Variants in STAT4 observed in about 807,000 individuals in gnomAD.
The protein encoded by STAT4 is signal transducer and activator of transcription 4.
STAT4 carries 42 observed loss-of-function variants against 110.5 expected under a neutral mutation model. The ratio of observed to expected loss-of-function variants is 0.38; its 90% CI spans 0.30 to 0.49. STAT4 has a LOEUF of 0.49. STAT4 is among the 20% of genes least tolerant of loss of function. The probability of loss-of-function intolerance (pLI) is 0.95; values close to 1 mark genes in which losing one functional copy is unlikely to be tolerated. For synonymous variants in STAT4, 284 were observed against 302.2 expected (o/e 0.94, Z 0.63); for missense variants, 632 against 887.9 (o/e 0.71, Z 3.66).
At position 191,098,156 on chromosome 2, in the gene STAT4, C is replaced by T. The variant is rs191627252; in HGVS notation, c.274-21831G>A. 1.2e-3 allele frequency among the ~76,000 whole-genome samples: 178 copies of T among 152,318 alleles called. 1 individual carries two copies. The highest frequency in any genetic ancestry group is 3.2e-3 in the Admixed American group (49 of 15,298). ...GTGGAGAAATAGGAACACTTTTACA[C>T]TGTTTGTGGGAGTGTAAACTAGTTC... On this transcript the variant is annotated intron_variant, in intron 3 of 23. Coordinates refer to ENST00000392320, the MANE Select transcript of STAT4 (RefSeq NM_003151.4).
At chr2:191,069,551 A>G (rs1697085758) in intron 6 of STAT4, 142 bp downstream of exon 6, 5 of 650,906 alleles carry the variant, frequency 7.7e-6, no homozygotes, top group Non-Finnish European at 1.3e-5. Context: ...ATAAGGAAGA[A>G]GCAAAACAAG....
chr2:191,081,369 G>C (rs1263401340), intron 3 of STAT4, among the ~76,000 whole-genome samples: 1 of 152,184 alleles, frequency 6.6e-6, no homozygotes, highest in African/African-American at 2.4e-5. Context: ...TAATGGGATT[G>C]CTGCGTCAAG....
chr2:191,070,317 G>T lies in STAT4; in HGVS notation c.466-546C>A, dbSNP rs541080276. On this transcript the variant is annotated intron_variant, in intron 5 of 23. Coordinates refer to ENST00000392320, the MANE Select transcript of STAT4 (RefSeq NM_003151.4). Reference sequence around the variant, plus strand: ...TCCCCAAACCTGGTGATGTTTTCCTGTTCAGATATAATAGTAAATGTCAAG... The same window carrying T: ...TCCCCAAACCTGGTGATGTTTTCCTTTTCAGATATAATAGTAAATGTCAAG... 1.4e-4 allele frequency among the ~76,000 whole-genome samples: 22 copies of T among 152,108 alleles called. No individual in the cohort carries two copies. The South Asian group carries it at 4.6e-3, about 32-fold the overall frequency.
chr2:191,135,757 A>C lies in STAT4; in HGVS notation c.273+10856T>G, dbSNP rs1699163273. On this transcript the variant is annotated intron_variant, in intron 3 of 23. Transcript: ENST00000392320. This position sits in a 1 kb window ranked among gnomAD's most constrained non-coding sequence, Gnocchi z 4.8. ...GCTGGGATTACAGGCATGTGCCAAC[A>C]CACTTGACCTTTACTGCCAAATTCT... Among the ~76,000 whole-genome samples the C allele has an allele frequency of 6.6e-6, 1 of 152,146 alleles. No homozygotes were observed. The highest frequency in any genetic ancestry group is 2.1e-4 in the South Asian group (1 of 4,830).
chr2:191,109,161 C>T (rs529778002), intron 3 of STAT4, among the ~76,000 whole-genome samples: 2 of 152,238 alleles, frequency 1.3e-5, no homozygotes, highest in Non-Finnish European at 2.9e-5. Flanking sequence ...CACTAGGAGG[C>T]AGGGGGAATT....
chr2:191,132,180 T>C (rs900129432), intron 3 of STAT4, among the ~76,000 whole-genome samples: 2 of 151,762 alleles, frequency 1.3e-5, no homozygotes, highest in East Asian at 1.9e-4. Context: ...TCCTAATCTT[T>C]TCTGATTAGT....
rs2125289934 is a variant in STAT4 at position 191,083,609 on chromosome 2, A to G, written c.274-7284T>C. 6.6e-6 allele frequency among the ~76,000 whole-genome samples: 1 copy of G among 152,266 alleles called. No homozygotes were observed. The highest frequency in any genetic ancestry group is 2.4e-5 in the African/African-American group (1 of 41,544). Reference sequence around the variant, plus strand: ...TTGTGGTATCTCTGGGATATGAAGCATTTGTCTCCATTTACAGAGTAAAAT... The same window carrying G: ...TTGTGGTATCTCTGGGATATGAAGCGTTTGTCTCCATTTACAGAGTAAAAT... On this transcript the variant is annotated intron_variant, in intron 3 of 23. Coordinates refer to ENST00000392320, the MANE Select transcript of STAT4 (RefSeq NM_003151.4). The surrounding 1 kb of genome is among the most constrained non-coding windows in gnomAD (Gnocchi z 4.6).
rs1459778629 is a variant in STAT4, at chr2:191,091,940, C to T, written c.274-15615G>A. ...AGGTCATTGTATCCAATAGTAATGA[C>T]ATATAACTAGATTAGCAGAGCATAA... On this transcript the variant is annotated intron_variant, in intron 3 of 23. Coordinates refer to ENST00000392320, the MANE Select transcript of STAT4 (RefSeq NM_003151.4). This position sits in a 1 kb window ranked among gnomAD's most constrained non-coding sequence, Gnocchi z 5.4. Among the ~76,000 whole-genome samples the T allele has an allele frequency of 2.6e-5, 4 of 151,856 alleles. No homozygotes were observed. Among genetic ancestry groups the T allele is most frequent in the African/African-American group, 9.7e-5 (4 of 41,290 alleles).
intron 3 of STAT4, among the ~76,000 whole-genome samples, chr2:191,132,755 CTTTTT>C (rs56028616): frequency 1.5e-5 from 2 of 135,372 alleles, no homozygotes; most frequent in Non-Finnish European, 1.6e-5. Context: ...TAATGGTTTT[CTTTTT>C]TTTTTTTTTT....
At chr2:191,068,180 T>G (rs1697046426) in intron 6 of STAT4, 1 of 152,238 alleles carries the variant, frequency 6.6e-6, no homozygotes, top group Non-Finnish European at 1.5e-5. Context: ...ATGATCATTT[T>G]AATTCATAAT....
intron 1 of STAT4, among the ~76,000 whole-genome samples, chr2:191,149,560 T>C (rs905400771): frequency 1.3e-5 from 2 of 152,202 alleles, no homozygotes; most frequent in African/African-American, 4.8e-5. Context: ...ATAAGTAGTA[T>C]GTCAACTTTA....
In STAT4 at chr2:191,036,207, A is replaced by T; in HGVS notation, c.1527T>A (p.Gly509=). The T allele has an allele frequency of 6.2e-7, 1 of 1,614,172 alleles. No individual in the cohort carries two copies. Among genetic ancestry groups the T allele is most frequent in the Non-Finnish European group, 8.5e-7 (1 of 1,180,028 alleles). ...GCATATGGAGTTGATCTGAGTTAAG[A>T]CCACGACCAACGTACGATGAAAACT... The part of the protein sequence containing the change: ...SWQFSSYVGR[G]LNSDQLHMLA... Residue 509 remains glycine (G), a synonymous_variant, in exon 17 of 24, where the codon GGT becomes GGA. Transcript: ENST00000392320.
At position 191,030,401 on chromosome 2, in the gene STAT4, A is replaced by T. The variant is rs1456494502; in HGVS notation, c.2221-535T>A. ...GCAAATAGCATGCATCCCAAATAAC[A>T]TTATTGCATTAAAGATTATGACTCA... is the stretch of plus-strand genomic sequence containing the variant. On this transcript the variant is annotated intron_variant, in intron 23 of 23. Transcript: ENST00000392320. This position sits in a 1 kb window ranked among gnomAD's most constrained non-coding sequence, Gnocchi z 4.4. Among the ~76,000 whole-genome samples the T allele has an allele frequency of 1.3e-5, 2 of 152,216 alleles. No homozygotes were observed. Among genetic ancestry groups the T allele is most frequent in the Non-Finnish European group, 2.9e-5 (2 of 68,038 alleles).
rs1410929882 is a variant in STAT4 at position 191,150,701 on chromosome 2, C to T, written c.-2+246G>A. On this transcript the variant is annotated intron_variant, in intron 1 of 23. Transcript: ENST00000392320. This position sits in a 1 kb window ranked among gnomAD's most constrained non-coding sequence, Gnocchi z 6.4. ...CCGCAGCCGCCGCAGCTCCCCTGGC[C>T]CCCGCAGGGAGATTCGCCCGGGCAC... is the stretch of plus-strand genomic sequence containing the variant. Among the ~76,000 whole-genome samples the T allele has an allele frequency of 6.6e-6, 1 of 152,192 alleles. No individual in the cohort carries two copies. The highest frequency in any genetic ancestry group is 1.5e-5 in the Non-Finnish European group (1 of 68,034).
chr2:191,100,352 C>A (rs148216365), intron 3 of STAT4, among the ~76,000 whole-genome samples: 1 of 152,266 alleles, frequency 6.6e-6, no homozygotes, highest in East Asian at 1.9e-4. Flanking sequence ...GCCTAAATGA[C>A]CCGTAAGTCA....
chr2:191,151,179 C>A (rs751087937), upstream of STAT4: 7 of 985,490 alleles, frequency 7.1e-6, no homozygotes, highest in African/African-American at 1.0e-4. This position sits in a 1 kb window ranked among gnomAD's most constrained non-coding sequence, Gnocchi z 4.7. Context: ...CAGGCTGGAG[C>A]CCCTTCACCG....
chr2:191,036,278 G>A lies in STAT4; in HGVS notation c.1456C>T (p.Pro486Ser). ...DSQNLVFFNN[P>S]PPATLSQLLE... ...AGTTGACTCAATGTGGCAGGTGGAG[G>A]ATTATTAAAGAAAACCAAGTTCTGA... Residue 486 changes from proline to serine, a missense_variant, in exon 17 of 24, where the codon CCT becomes TCT. Coordinates refer to ENST00000392320, the MANE Select transcript of STAT4 (RefSeq NM_003151.4). The A allele has an allele frequency of 6.2e-7, 1 of 1,614,018 alleles. No homozygotes were observed. The highest frequency in any genetic ancestry group is 8.5e-7 in the Non-Finnish European group (1 of 1,180,012).
At chr2:191,057,890 G>T in intron 13 of STAT4, 128 bp downstream of exon 13, 1 of 843,472 alleles carries the variant, frequency 1.2e-6, no homozygotes, top group Non-Finnish European at 1.9e-6. Flanking sequence ...GAGCCACCGT[G>T]CCCGGCCGGT....
chr2:191,081,313 T>C (rs1444717330), intron 3 of STAT4, among the ~76,000 whole-genome samples: 1 of 152,228 alleles, frequency 6.6e-6, no homozygotes, highest in Non-Finnish European at 1.5e-5. Context: ...TGTGTGCATG[T>C]GTCTTTATAG....
Sources: gnomAD v4.1 joint callset for allele counts (sites outside exome capture counted in the v4.1 genomes callset) on GRCh38, gnomAD v4.1.1 for gene constraint, Gnocchi (gnomAD v3.1) non-coding constraint, MANE v1.5 for transcripts, NCBI Gene and HGNC (gene_info 2026-07-23, HGNC 2026-07-21) for gene names.